The following TBCK variants were observed in gnomAD, a reference collection of about 807,000 sequenced individuals.
The protein encoded by TBCK is TBC1 domain containing kinase, also known as TBC domain-containing protein kinase-like protein.
Under a neutral mutation model 113.4 loss-of-function variants are expected in TBCK, and 99 were observed. That is an observed-to-expected ratio of 0.87 (90% CI 0.74 to 1.03). TBCK has a LOEUF of 1.03. Among genes scored for constraint, TBCK ranks in the 50% least tolerant of loss-of-function variants. The probability of loss-of-function intolerance (pLI) is 0.00; values close to 1 mark genes in which losing one functional copy is unlikely to be tolerated. For synonymous variants in TBCK, 369 were observed against 370.8 expected (o/e 1.00, Z 0.05); for missense variants, 1,045 against 1,061.3 (o/e 0.98, Z 0.21).
intron 23 of TBCK, among the ~76,000 whole-genome samples, chr4:106,117,196 CT>C (rs2149572759): frequency 6.6e-6 from 1 of 152,068 alleles, no homozygotes; most frequent in African/African-American, 2.4e-5. Context: ...TATGAGAGTG[CT>C]TTAAAAAAAA....
chr4:106,074,886 A>C (rs572280964), intron 25 of TBCK, among the ~76,000 whole-genome samples: 2 of 152,326 alleles, frequency 1.3e-5, no homozygotes, highest in Non-Finnish European at 2.9e-5. Flanking sequence ...CCAACCTGAC[A>C]TAATTCTGGA....
At chr4:106,304,186 T>G (rs917327242) in intron 2 of TBCK, among the ~76,000 whole-genome samples, 5 of 152,164 alleles carry the variant, frequency 3.3e-5, no homozygotes, top group African/African-American at 4.8e-5. Context: ...CCCTGCAGGC[T>G]ATAACCCTTA....
intron 25 of TBCK, among the ~76,000 whole-genome samples, chr4:106,048,317 C>T (rs191649533): frequency 1.3e-4 from 20 of 152,276 alleles, no homozygotes; most frequent in African/African-American, 4.8e-4. Context: ...TACTTATCTT[C>T]TCTGTGATTC....
At chr4:106,302,242 G>C (rs1040960601) in intron 2 of TBCK, among the ~76,000 whole-genome samples, 13 of 152,106 alleles carry the variant, frequency 8.5e-5, no homozygotes, top group African/African-American at 2.9e-4. Context: ...GGCAGGTCAG[G>C]GAAGCAGAGT....
chr4:106,054,191 T>C (rs955910584), intron 25 of TBCK, among the ~76,000 whole-genome samples: 1 of 151,596 alleles, frequency 6.6e-6, no homozygotes, highest in African/African-American at 2.4e-5. Flanking sequence ...TCTGCAAATC[T>C]GCAAACAATT....
chr4:106,308,613 C>T (rs569776972), intron 2 of TBCK, among the ~76,000 whole-genome samples, 155 bp downstream of exon 2: 5 of 151,790 alleles, frequency 3.3e-5, no homozygotes, highest in East Asian at 1.9e-4. Context: ...GGGAAGTGTA[C>T]GAGAGAGAGG....
chr4:106,189,521 C>G (rs1291273436), intron 22 of TBCK, among the ~76,000 whole-genome samples: 1 of 151,970 alleles, frequency 6.6e-6, no homozygotes, highest in Non-Finnish European at 1.5e-5. Flanking sequence ...TACTCTTTCA[C>G]AAATCATTTC....
At chr4:106,156,612 C>G (rs1359433630) in intron 23 of TBCK, among the ~76,000 whole-genome samples, 2 of 152,196 alleles carry the variant, frequency 1.3e-5, no homozygotes, top group African/African-American at 4.8e-5. Flanking sequence ...CTTCCCTCTG[C>G]TTTCCATAGG....
At chr4:106,107,540 G>C (rs1364555350) in intron 24 of TBCK, among the ~76,000 whole-genome samples, 1 of 151,984 alleles carries the variant, frequency 6.6e-6, no homozygotes, top group Non-Finnish European at 1.5e-5. Flanking sequence ...ATTGACTTTT[G>C]GGTAAAAAAT....
intron 23 of TBCK, among the ~76,000 whole-genome samples, chr4:106,149,312 T>C (rs1045616199): frequency 6.6e-6 from 1 of 152,252 alleles, no homozygotes; most frequent in Non-Finnish European, 1.5e-5. Context: ...CATCACAATT[T>C]GCCTAACTGG....
In TBCK at chr4:106,154,519, TGA is replaced by T. The variant is rs146535004; in HGVS notation, c.2235+16574_2235+16575del. On this transcript the variant is annotated intron_variant, in intron 23 of 25. Coordinates refer to ENST00000394708, the MANE Select transcript of TBCK (RefSeq NM_001163435.3). ...TCTCAATATTGGATGTGGGGCCTGG[TGA>T]GAGGTGATTGGATCATGGGAGTCAT... is the stretch of plus-strand genomic sequence containing the variant. 5.0e-3 allele frequency among the ~76,000 whole-genome samples: 755 copies of T among 152,294 alleles called. 7 individuals are homozygous for T. Among genetic ancestry groups the T allele is most frequent in the African/African-American group, 0.018 (742 of 41,568 alleles).
At chr4:106,093,166 A>G (rs1740504574) in intron 25 of TBCK, among the ~76,000 whole-genome samples, 1 of 152,200 alleles carries the variant, frequency 6.6e-6, no homozygotes, top group Non-Finnish European at 1.5e-5. Flanking sequence ...CTTCTTTAGT[A>G]TGGTTAGTTA....
chr4:106,215,046 G>T (rs867641862), intron 19 of TBCK, among the ~76,000 whole-genome samples: 1 of 150,804 alleles, frequency 6.6e-6, no homozygotes, highest in Non-Finnish European at 1.5e-5. Context: ...CCAGAAGAGA[G>T]TGGGGGCCAA....
chr4:106,199,249 T>A (rs1422885809), intron 20 of TBCK, among the ~76,000 whole-genome samples: 1 of 152,142 alleles, frequency 6.6e-6, no homozygotes, highest in East Asian at 1.9e-4. Context: ...TCTTTACCAA[T>A]CAGCAGGATT....
At chr4:106,284,086 T>A (rs1224604395) in intron 3 of TBCK, among the ~76,000 whole-genome samples, 1 of 152,160 alleles carries the variant, frequency 6.6e-6, no homozygotes, top group Non-Finnish European at 1.5e-5. Context: ...TTCGGTATTA[T>A]TTTCCTTCTT....
chr4:106,260,398 T>C, intron 5 of TBCK, 39 bp downstream of exon 5: 1 of 831,758 alleles, frequency 1.2e-6, no homozygotes, highest in Non-Finnish European at 1.7e-6. Flanking sequence ...GATTACAAAG[T>C]TAAAAAGAAA....
intron 15 of TBCK, 33 bp from the exon 16 acceptor site, chr4:106,233,683 T>C: frequency 1.3e-6 from 2 of 1,503,420 alleles, no homozygotes; most frequent in Non-Finnish European, 1.8e-6. Flanking sequence ...TATTAATTTA[T>C]CATATCCTTA....
At chr4:106,204,165 T>G (rs72677353) in intron 20 of TBCK, among the ~76,000 whole-genome samples, 11,671 of 152,260 alleles carry the variant, frequency 0.077, 513 homozygotes, top group Middle Eastern at 0.18. Context: ...TTTATATGCA[T>G]TCTCTAAACT....
chr4:106,083,118 C>T (rs1387633708), intron 25 of TBCK, among the ~76,000 whole-genome samples: 2 of 152,230 alleles, frequency 1.3e-5, no homozygotes, highest in African/African-American at 4.8e-5. Flanking sequence ...GCTGTCTAAG[C>T]CATTTGAGCT....
Sources: gnomAD v4.1 joint callset for allele counts (sites outside exome capture counted in the v4.1 genomes callset) on GRCh38, gnomAD v4.1.1 for gene constraint, MANE v1.5 for transcripts, NCBI Gene and HGNC (gene_info 2026-07-23, HGNC 2026-07-21) for gene names.